The following NUP62CL variants were observed in gnomAD, a reference collection of about 807,000 sequenced individuals.
The protein encoded by NUP62CL is nucleoporin 62 C-terminal like, also known as nucleoporin-62 C-terminal-like protein.
A neutral mutation model predicts 15.3 loss-of-function variants in NUP62CL; 13 were observed. That is an observed-to-expected ratio of 0.85 (90% CI 0.55 to 1.35). NUP62CL has a LOEUF of 1.35. Among genes scored for constraint, NUP62CL ranks in the 40% most tolerant of loss-of-function variants. NUP62CL has a pLI of 0.00. For missense variants in NUP62CL, 123 were observed against 130.6 expected (o/e 0.94, Z 0.28); for synonymous variants, 54 against 49.2 (o/e 1.10, Z -0.41).
At chrX:107,199,837 C>G (rs1927439232) in intron 1 of NUP62CL, among the ~76,000 whole-genome samples, 1 of 112,107 alleles carries the variant, frequency 8.9e-6, no homozygotes, top group African/African-American at 3.2e-5. Flanking sequence ...ACCCCTTGTT[C>G]TACCAAGATA....
At chrX:107,175,947 C>T (rs778138834) in intron 2 of NUP62CL, among the ~76,000 whole-genome samples, 1 of 111,367 alleles carries the variant, frequency 9.0e-6, no homozygotes, top group African/African-American at 3.3e-5. Context: ...GCTGAGAATA[C>T]TGAGGCCCCA....
intron 8 of NUP62CL, among the ~76,000 whole-genome samples, chrX:107,139,069 A>G (rs1045231319): frequency 1.8e-5 from 2 of 111,927 alleles, no homozygotes; most frequent in African/African-American, 6.5e-5. Context: ...TACATGCTGT[A>G]TGACTCTATT....
intron 7 of NUP62CL, among the ~76,000 whole-genome samples, chrX:107,148,595 A>C (rs1404129133): frequency 1.8e-5 from 2 of 111,936 alleles, no homozygotes; most frequent in Non-Finnish European, 3.8e-5. Context: ...AATACAAAAG[A>C]AGTATTTTTA....
At chrX:107,165,889 T>G (rs1926506862) in intron 4 of NUP62CL, among the ~76,000 whole-genome samples, 1 of 111,872 alleles carries the variant, frequency 8.9e-6, no homozygotes, top group Non-Finnish European at 1.9e-5. Flanking sequence ...CCTCACACCT[T>G]ATATAAAAAT....
intron 2 of NUP62CL, among the ~76,000 whole-genome samples, chrX:107,184,947 G>A (rs1927017834): frequency 9.0e-6 from 1 of 111,366 alleles, no homozygotes; most frequent in Non-Finnish European, 1.9e-5. Context: ...TACTTTTCAA[G>A]TGCTGAAAGA....
intron 8 of NUP62CL, among the ~76,000 whole-genome samples, chrX:107,136,643 A>G (rs1472319310): frequency 8.9e-6 from 1 of 112,611 alleles, no homozygotes; most frequent in Non-Finnish European, 1.9e-5. Flanking sequence ...AACACTTGAA[A>G]AATCTCTCAT....
At position 107,149,074 on chromosome X, in the gene NUP62CL, C is replaced by T. The variant is rs750690957; in HGVS notation, c.531-1265G>A. 3.6e-5 allele frequency among the ~76,000 whole-genome samples: 4 copies of T among 111,481 alleles called. No individual in the cohort carries two copies. In the South Asian group the frequency reaches 1.1e-3, roughly 31 times the overall value. ...ACTCATCTTAAACATCCCAATCACC[C>T]CTGCCAGGAAAACAAAAAGACTCAA... On this transcript the variant is annotated intron_variant, in intron 7 of 8. Transcript: ENST00000372466.
chrX:107,181,290 C>T (rs192592126), intron 2 of NUP62CL, among the ~76,000 whole-genome samples: 1 of 110,125 alleles, frequency 9.1e-6, no homozygotes, highest in East Asian at 2.8e-4. Flanking sequence ...ATCCCCTTAC[C>T]CACAATAACT....
intron 2 of NUP62CL, among the ~76,000 whole-genome samples, chrX:107,181,104 C>T (rs1371398665): frequency 7.6e-5 from 8 of 105,200 alleles, no homozygotes; most frequent in African/African-American, 2.8e-4. Context: ...TCTGTAGTGA[C>T]GAGGTTTCAC....
At chrX:107,201,685 T>C (rs896921197) in intron 1 of NUP62CL, among the ~76,000 whole-genome samples, 3 of 109,015 alleles carry the variant, frequency 2.8e-5, no homozygotes, top group Admixed American at 2.0e-4. Context: ...ATCAGCACTT[T>C]GGGAGGCTGA....
Position 107,152,053 on chromosome X carries a change from T to TATATATATATATATATATTCAG in NUP62CL, c.530+1118_530+1119insCTGAATATATATATATATATAT, listed in dbSNP as rs1926029298. ...TTGAATATATATATATATTCAGATA[T>TATATATATATATATATATTCAG]ATATATATATATATATATATATTCA... On this transcript the variant is annotated intron_variant, in intron 7 of 8. Coordinates refer to ENST00000372466, the MANE Select transcript of NUP62CL (RefSeq NM_017681.3). Among the ~76,000 whole-genome samples, 5 of 66,481 alleles carry TATATATATATATATATATTCAG rather than the reference T, an allele frequency of 7.5e-5. 1 individual carries two copies. The highest frequency in any genetic ancestry group is 3.4e-4 in the African/African-American group (4 of 11,767). 57.7% of individuals were successfully genotyped at this position (66,481 alleles called of 115,157 possible).
intron 8 of NUP62CL, chrX:107,131,693 C>T: frequency 1.5e-6 from 1 of 689,306 alleles, no homozygotes; most frequent in Non-Finnish European, 2.3e-6. Flanking sequence ...AGAGGAGGAG[C>T]AGTTGGTTCT....
chrX:107,174,039 C>CTT (rs375144267), intron 3 of NUP62CL, among the ~76,000 whole-genome samples: 1 of 90,431 alleles, frequency 1.1e-5, no homozygotes, highest in African/African-American at 4.6e-5. Context: ...TTCTTTCTTT[C>CTT]TCTCTCTCTC....
intron 2 of NUP62CL, among the ~76,000 whole-genome samples, chrX:107,189,612 C>T (rs867165668): frequency 1.5e-5 from 1 of 68,154 alleles, no homozygotes; most frequent in Non-Finnish European, 2.4e-5. Flanking sequence ...CCCGTCCCTA[C>T]AAATAATAAT....
intron 8 of NUP62CL, among the ~76,000 whole-genome samples, chrX:107,141,998 C>T (rs1169160734): frequency 2.7e-5 from 3 of 109,270 alleles, no homozygotes; most frequent in African/African-American, 6.7e-5. Flanking sequence ...TGCAGTGAGC[C>T]GAGATCATGC....
intron 3 of NUP62CL, among the ~76,000 whole-genome samples, chrX:107,168,562 G>C (rs956750769): frequency 3.6e-5 from 4 of 111,741 alleles, no homozygotes; most frequent in African/African-American, 1.3e-4. Flanking sequence ...GTTTCCTTTG[G>C]TTTTCTAAAT....
intron 4 of NUP62CL, among the ~76,000 whole-genome samples, chrX:107,164,096 C>T (rs774438537): frequency 9.0e-6 from 1 of 111,652 alleles, no homozygotes; most frequent in Non-Finnish European, 1.9e-5. Context: ...AGACTGTATC[C>T]TCACCCACAA....
At chrX:107,164,838 C>T (rs1374248106) in intron 4 of NUP62CL, among the ~76,000 whole-genome samples, 2 of 113,132 alleles carry the variant, frequency 1.8e-5, no homozygotes, top group Non-Finnish European at 3.7e-5. Context: ...CAGTGGCTCA[C>T]GCCTGTAATC....
chrX:107,146,744 T>A (rs1162033986), intron 8 of NUP62CL, among the ~76,000 whole-genome samples: 1 of 111,506 alleles, frequency 9.0e-6, no homozygotes, highest in Non-Finnish European at 1.9e-5. Flanking sequence ...ACCATCCTAA[T>A]GTGGCCAGTG....
Sources: allele counts gnomAD v4.1 joint callset (sites outside exome capture counted in the v4.1 genomes callset), GRCh38; gene constraint gnomAD v4.1.1; transcripts MANE v1.5; gene names NCBI Gene and HGNC (gene_info 2026-07-23, HGNC 2026-07-21).